Variants in CTNND2 observed in about 807,000 individuals in gnomAD.
The protein encoded by CTNND2 is catenin delta 2.
In CTNND2, 22 loss-of-function variants were observed where a neutral mutation model predicts 144.4. The observed-to-expected ratio is 0.15, with a 90% confidence interval of 0.11 to 0.22. The LOEUF (loss-of-function observed/expected upper bound fraction) is 0.22. Among genes scored for constraint, CTNND2 ranks in the 10% least tolerant of loss-of-function variants. The probability of loss-of-function intolerance (pLI) is 1.00; values close to 1 mark genes in which losing one functional copy is unlikely to be tolerated. For missense variants in CTNND2, 1,353 were observed against 1,618.8 expected (o/e 0.84, Z 2.82); for synonymous variants, 751 against 695.6 (o/e 1.08, Z -1.25).
rs79653120 is a variant in CTNND2 at position 11,401,002 on chromosome 5, G to A, written c.440-3799C>T. On this transcript the variant is annotated intron_variant, in intron 5 of 21. Coordinates refer to ENST00000304623, the MANE Select transcript of CTNND2 (RefSeq NM_001332.4). ...TAAACAGAAATCCACTTGTTTGCAG[G>A]AGAAATCTTCATGCCTCAGATTTTG... Among the ~76,000 whole-genome samples, 970 of 152,328 alleles carry A rather than the reference G, an allele frequency of 6.4e-3. 11 individuals are homozygous for A. Among genetic ancestry groups the A allele is most frequent in the Middle Eastern group, 0.02 (6 of 294 alleles).
intron 2 of CTNND2, among the ~76,000 whole-genome samples, chr5:11,603,659 G>T (rs1237965498): frequency 6.6e-6 from 1 of 152,144 alleles, no homozygotes; most frequent in Non-Finnish European, 1.5e-5. Context: ...AAAAGGCAAG[G>T]CTATATGACA....
chr5:10,994,369 G>T (rs1739081467), intron 18 of CTNND2, among the ~76,000 whole-genome samples: 1 of 41,372 alleles, frequency 2.4e-5, no homozygotes, highest in Non-Finnish European at 5.1e-5. Flanking sequence ...CGGGGAAGGA[G>T]GAAGGGGCCG....
chr5:11,772,834 A>G (rs1790027702), intron 1 of CTNND2, among the ~76,000 whole-genome samples: 1 of 152,234 alleles, frequency 6.6e-6, no homozygotes, highest in African/African-American at 2.4e-5. Flanking sequence ...AAGATGTTCT[A>G]TGAATACATC....
chr5:11,853,470 A>C (rs1795109865), intron 1 of CTNND2, among the ~76,000 whole-genome samples: 1 of 152,026 alleles, frequency 6.6e-6, no homozygotes, highest in Admixed American at 6.6e-5. Flanking sequence ...TGGAGATCTC[A>C]TCCAGTCTGG....
At chr5:11,471,167 C>T (rs893457968) in intron 3 of CTNND2, among the ~76,000 whole-genome samples, 15 of 150,946 alleles carry the variant, frequency 9.9e-5, no homozygotes, top group African/African-American at 2.7e-4. Context: ...TTAGTAGAGA[C>T]GGGGTTTCAC....
chr5:11,112,859 C>T (rs978565416), intron 13 of CTNND2, among the ~76,000 whole-genome samples: 3 of 152,172 alleles, frequency 2.0e-5, no homozygotes, highest in Non-Finnish European at 4.4e-5. Flanking sequence ...GTATCATGTA[C>T]AGGCTGGGCG....
intron 8 of CTNND2, among the ~76,000 whole-genome samples, chr5:11,361,955 G>A (rs993272665): frequency 3.3e-5 from 5 of 152,126 alleles, no homozygotes; most frequent in Non-Finnish European, 7.4e-5. Flanking sequence ...CCTCCACCTG[G>A]TGGTCTATTC....
intron 21 of CTNND2, among the ~76,000 whole-genome samples, chr5:10,974,981 G>A (rs61752739): frequency 6.9e-4 from 105 of 152,272 alleles, no homozygotes; most frequent in African/African-American, 2.5e-3. Flanking sequence ...GATGTCCCAC[G>A]TGTCTAGTTA....
rs1465653507 is a variant in CTNND2, at chr5:10,972,288, T to C, written c.*1165A>G. ...TGGCCTAATATCCTGAGTCACTAGATGGTCAGAAGAATAGATACAGTACAA... is the reference window on the plus strand; with the variant it reads ...TGGCCTAATATCCTGAGTCACTAGACGGTCAGAAGAATAGATACAGTACAA... On this transcript the variant is annotated 3_prime_UTR_variant, in exon 22 of 22. Coordinates refer to ENST00000304623, the MANE Select transcript of CTNND2 (RefSeq NM_001332.4). 6.6e-6 allele frequency: 1 copy of C among 152,602 alleles called. No individual in the cohort carries two copies. Among genetic ancestry groups the C allele is most frequent in the Non-Finnish European group, 1.5e-5 (1 of 68,042 alleles). 9.5% of individuals were successfully genotyped at this position (152,602 alleles called of 1,614,324 possible).
At chr5:11,024,456 G>C (rs578128500) in intron 16 of CTNND2, among the ~76,000 whole-genome samples, 1 of 152,082 alleles carries the variant, frequency 6.6e-6, no homozygotes, top group Non-Finnish European at 1.5e-5. Context: ...GTTTACTTTC[G>C]TAGGGCTCAG....
chr5:11,642,621 G>T (rs2126509411), intron 2 of CTNND2, among the ~76,000 whole-genome samples: 1 of 152,242 alleles, frequency 6.6e-6, no homozygotes, highest in Middle Eastern at 3.4e-3. Context: ...AGAGGTGACA[G>T]GAAGCCCTCA....
At chr5:11,041,133 T>C (rs706233) in intron 16 of CTNND2, among the ~76,000 whole-genome samples, 122,923 of 152,192 alleles carry the variant, frequency 0.81, 50,201 homozygotes, top group African/African-American at 0.93. Context: ...ATTAATTATA[T>C]AATCACATTC....
At chr5:11,153,956 T>A (rs1005397257) in intron 12 of CTNND2, among the ~76,000 whole-genome samples, 2 of 152,074 alleles carry the variant, frequency 1.3e-5, no homozygotes, top group Admixed American at 6.5e-5. Flanking sequence ...AGCTGCTAGA[T>A]TAAAAGGTAA....
chr5:11,783,999 C>T lies in CTNND2; in HGVS notation c.38-51727G>A, dbSNP rs548505119. 1.9e-4 allele frequency among the ~76,000 whole-genome samples: 29 copies of T among 152,282 alleles called. 1 individual carries two copies. The highest frequency in any genetic ancestry group is 6.8e-3 in the Middle Eastern group (2 of 294). On this transcript the variant is annotated intron_variant, in intron 1 of 21. Transcript: ENST00000304623. The stretch of plus-strand genomic sequence containing the variant: ...CCCTATAGAGCTGGTGACCCAGCCA[C>T]GTTCAGTAGATGGACCACATACCAT...
At position 11,760,052 on chromosome 5, in the gene CTNND2, A is replaced by C. The variant is rs1443847540; in HGVS notation, c.38-27780T>G. Among the ~76,000 whole-genome samples the C allele has an allele frequency of 0.013, 60 of 4,792 alleles. No individual in the cohort carries two copies. In the South Asian group the frequency reaches 0.28, roughly 22 times the overall value. The allele number at this position is 4,792 out of a possible 152,430, so 3.1% of individuals were successfully genotyped here. A position where few individuals can be genotyped will look rare whatever the true frequency, so the allele number is the denominator to read the frequency against. ...ACTTGGCATTGAGTACTGGATGCAA[A>C]AAAAAAAAAAAAAAAAAATCCTATT... On this transcript the variant is annotated intron_variant, in intron 1 of 21. Coordinates refer to ENST00000304623, the MANE Select transcript of CTNND2 (RefSeq NM_001332.4).
Position 11,384,481 on chromosome 5 carries a change from C to G in CTNND2, c.1177+184G>C. The G allele has an allele frequency of 1.7e-6, 1 of 598,120 alleles. No individual in the cohort carries two copies. 37.1% of individuals were successfully genotyped at this position (598,120 alleles called of 1,614,324 possible). Reference sequence around the variant, plus strand: ...CACCACATTACTCCGGAAAAGAAGTCACTGACAAACTGTAGGGAAGATACT... The same window carrying G: ...CACCACATTACTCCGGAAAAGAAGTGACTGACAAACTGTAGGGAAGATACT... On this transcript the variant is annotated intron_variant, in intron 7 of 21. Coordinates refer to ENST00000304623, the MANE Select transcript of CTNND2 (RefSeq NM_001332.4). The surrounding 1 kb of genome is among the most constrained non-coding windows in gnomAD (Gnocchi z 5.2).
chr5:11,043,570 C>T (rs1285005737), intron 16 of CTNND2, among the ~76,000 whole-genome samples: 1 of 151,862 alleles, frequency 6.6e-6, no homozygotes, highest in African/African-American at 2.4e-5. Context: ...AAAAAGAGAC[C>T]AAGTAGATAT....
intron 3 of CTNND2, among the ~76,000 whole-genome samples, chr5:11,559,999 C>T (rs72732994): frequency 6.6e-6 from 1 of 152,076 alleles, no homozygotes; most frequent in South Asian, 2.1e-4. Context: ...TCAATGTGGC[C>T]CACATTGCCA....
At chr5:11,465,250 G>A (rs1294579297) in intron 3 of CTNND2, among the ~76,000 whole-genome samples, 1 of 151,194 alleles carries the variant, frequency 6.6e-6, no homozygotes, top group African/African-American at 2.4e-5. Flanking sequence ...CTTTTACTAT[G>A]CATACCTATC....
Sources: allele counts gnomAD v4.1 joint callset (sites outside exome capture counted in the v4.1 genomes callset), GRCh38; gene constraint gnomAD v4.1.1; non-coding constraint Gnocchi (gnomAD v3.1); transcripts MANE v1.5; gene names NCBI Gene and HGNC (gene_info 2026-07-23, HGNC 2026-07-21).